Variants in TAFA1 observed in about 807,000 individuals in gnomAD.
The protein encoded by TAFA1 is chemokine-like protein TAFA-1.
Under a neutral mutation model 18.5 loss-of-function variants are expected in TAFA1, and 4 were observed. The observed-to-expected ratio is 0.22, with a 90% confidence interval of 0.11 to 0.49. The LOEUF (loss-of-function observed/expected upper bound fraction) is 0.49. Among genes scored for constraint, TAFA1 ranks in the 20% least tolerant of loss-of-function variants. The pLI, the probability that TAFA1 is intolerant of heterozygous loss-of-function variation, is 0.98. For synonymous variants in TAFA1, 56 were observed against 55.2 expected, an observed-to-expected ratio of 1.01 and a Z score of -0.06; for missense variants, 147 against 169.0, an observed-to-expected ratio of 0.87 and a Z score of 0.72.
chr3:68,184,695 G>A (rs2066249174), intron 2 of TAFA1, among the ~76,000 whole-genome samples: 1 of 152,080 alleles, frequency 6.6e-6, no homozygotes, highest in African/African-American at 2.4e-5. Context: ...GATTAAATGA[G>A]CAAAGGTTAA....
chr3:68,307,497 C>T lies in TAFA1; in HGVS notation c.119-109783C>T, dbSNP rs115991855. Among the ~76,000 whole-genome samples the T allele has an allele frequency of 5.4e-3, 824 of 152,294 alleles. 6 individuals carry two copies. Among genetic ancestry groups the T allele is most frequent in the African/African-American group, 0.018 (766 of 41,576 alleles). On this transcript the variant is annotated intron_variant, in intron 2 of 4. Transcript: ENST00000478136. ...GTAACATCTACATTCAGCAGTAACA[C>T]TTAACTACATACATGAATAATATGA...
At chr3:68,488,458 T>G (rs899040515) in intron 3 of TAFA1, among the ~76,000 whole-genome samples, 1 of 152,156 alleles carries the variant, frequency 6.6e-6, no homozygotes, top group African/African-American at 2.4e-5. Context: ...GAACAATACT[T>G]TGCATCCTTC....
chr3:68,367,906 T>G (rs2069603583), intron 2 of TAFA1, among the ~76,000 whole-genome samples: 1 of 152,164 alleles, frequency 6.6e-6, no homozygotes, highest in East Asian at 1.9e-4. Context: ...CTATTGTTTG[T>G]GTAACTAATG....
chr3:68,535,283 G>A (rs1198950774), intron 3 of TAFA1, among the ~76,000 whole-genome samples: 2 of 150,480 alleles, frequency 1.3e-5, no homozygotes, highest in Admixed American at 1.3e-4. Flanking sequence ...ATGTAATATT[G>A]TCATCTGTTC....
chr3:68,316,591 A>G (rs1396492931), intron 2 of TAFA1, among the ~76,000 whole-genome samples: 1 of 152,116 alleles, frequency 6.6e-6, no homozygotes, highest in Non-Finnish European at 1.5e-5. Flanking sequence ...AAAACATAAT[A>G]AAAACCTTTT....
At chr3:68,333,098 T>C in intron 2 of TAFA1, among the ~76,000 whole-genome samples, 1 of 152,192 alleles carries the variant, frequency 6.6e-6, no homozygotes, top group East Asian at 1.9e-4. Context: ...GTTTGACAAT[T>C]TCTGAAAGAA....
At chr3:68,460,726 C>A (rs990112473) in intron 3 of TAFA1, among the ~76,000 whole-genome samples, 5 of 152,156 alleles carry the variant, frequency 3.3e-5, no homozygotes, top group African/African-American at 7.2e-5. Context: ...AGGTTGCTTC[C>A]TGCCTCCCAT....
chr3:67,992,542 C>T, the TAFA1 span, among the ~76,000 whole-genome samples: 1 of 152,140 alleles, frequency 6.6e-6, no homozygotes, highest in African/African-American at 2.4e-5. Context: ...TTGAGAAGGA[C>T]AGCATACTTC....
chr3:68,539,688 T>TGGGGGGGGGGGGGGG (rs1184533157), intron 4 of TAFA1, among the ~76,000 whole-genome samples: 1 of 12,452 alleles, frequency 8.0e-5, no homozygotes, highest in African/African-American at 3.9e-4. Context: ...TGGGGGGGCA[T>TGGGGGGGGGGGGGGG]GGGGTGGGTG....
chr3:68,408,867 G>A (rs1284013966), intron 2 of TAFA1, among the ~76,000 whole-genome samples: 1 of 152,144 alleles, frequency 6.6e-6, no homozygotes, highest in Non-Finnish European at 1.5e-5. Context: ...GTGAGTCTTT[G>A]AGGAAAAGTT....
At chr3:68,524,814 G>T (rs188316406) in intron 3 of TAFA1, among the ~76,000 whole-genome samples, 1 of 152,118 alleles carries the variant, frequency 6.6e-6, no homozygotes, top group African/African-American at 2.4e-5. Flanking sequence ...GGGACTACAG[G>T]CGCCCGCCAC....
At chr3:68,083,743 A>G (rs2064934351) in intron 2 of TAFA1, among the ~76,000 whole-genome samples, 1 of 152,052 alleles carries the variant, frequency 6.6e-6, no homozygotes, top group Non-Finnish European at 1.5e-5. Flanking sequence ...TTCTTCTGGC[A>G]TCTTTTCTTG....
At chr3:68,302,505 G>A (rs2068322389) in intron 2 of TAFA1, among the ~76,000 whole-genome samples, 1 of 151,802 alleles carries the variant, frequency 6.6e-6, no homozygotes. Flanking sequence ...AACTCCCCCA[G>A]CTATTTGTCC....
chr3:68,144,246 T>C (rs2065708757), intron 2 of TAFA1, among the ~76,000 whole-genome samples: 1 of 152,206 alleles, frequency 6.6e-6, no homozygotes, highest in African/African-American at 2.4e-5. Flanking sequence ...TTTCCTTTGC[T>C]GTATGTTGCC....
intron 2 of TAFA1, among the ~76,000 whole-genome samples, chr3:68,166,240 AG>A (rs1251761549): frequency 6.6e-6 from 1 of 152,186 alleles, no homozygotes; most frequent in Non-Finnish European, 1.5e-5. Flanking sequence ...GATACCTAAA[AG>A]TTTTAATCGT....
intron 2 of TAFA1, among the ~76,000 whole-genome samples, chr3:68,159,815 T>C (rs1403563725): frequency 6.6e-6 from 1 of 152,158 alleles, no homozygotes; most frequent in African/African-American, 2.4e-5. Context: ...GGCACCAAAC[T>C]AGCACATGGA....
At chr3:68,190,580 T>G (rs779245979) in intron 2 of TAFA1, among the ~76,000 whole-genome samples, 7 of 151,832 alleles carry the variant, frequency 4.6e-5, no homozygotes, top group Non-Finnish European at 8.8e-5. Flanking sequence ...TCCTCAGTCT[T>G]CCTGTTTTTG....
intron 2 of TAFA1, among the ~76,000 whole-genome samples, chr3:68,197,667 G>A (rs552893195): frequency 1.3e-5 from 2 of 151,466 alleles, no homozygotes; most frequent in Non-Finnish European, 3.0e-5. Flanking sequence ...GTACAATCGA[G>A]CAAAGCATGA....
chr3:68,078,104 C>T (rs1222791881), intron 2 of TAFA1, among the ~76,000 whole-genome samples: 1 of 151,842 alleles, frequency 6.6e-6, no homozygotes, highest in African/African-American at 2.4e-5. Context: ...TGATTTGGCT[C>T]TCTGTTTGTC....
Sources: gnomAD v4.1 joint callset for allele counts (sites outside exome capture counted in the v4.1 genomes callset) on GRCh38, gnomAD v4.1.1 for gene constraint, MANE v1.5 for transcripts, NCBI Gene and HGNC (gene_info 2026-07-23, HGNC 2026-07-21) for gene names.